Variants in FRMD4A observed in about 807,000 individuals in gnomAD.
FRMD4A encodes FERM domain-containing protein 4A.
In FRMD4A, 29 loss-of-function variants were observed where a neutral mutation model predicts 129.1. That is an observed-to-expected ratio of 0.22 (90% CI 0.17 to 0.31). FRMD4A has a LOEUF of 0.31. Among genes scored for constraint, FRMD4A ranks in the 10% least tolerant of loss-of-function variants. The pLI is 1.00. For missense variants in FRMD4A, 1,272 were observed against 1,375.8 expected, an observed-to-expected ratio of 0.92 and a Z score of 1.19; for synonymous variants, 634 against 571.6, an observed-to-expected ratio of 1.11 and a Z score of -1.56.
chr10:14,092,794 T>C (rs1376359685), intron 2 of FRMD4A, among the ~76,000 whole-genome samples: 1 of 152,104 alleles, frequency 6.6e-6, no homozygotes, highest in African/African-American at 2.4e-5. Context: ...CAGGCTGGGA[T>C]ATAAAGGTGG....
At position 13,660,529 on chromosome 10, in the gene FRMD4A, A is replaced by G. The variant is rs1181136775; in HGVS notation, c.1685T>C (p.Ile562Thr). Residue 562 changes from isoleucine to threonine, a missense_variant, in exon 20 of 25, where the codon ATA becomes ACA. By Grantham distance (89) the Ile-to-Thr change is moderately conservative. Coordinates refer to ENST00000357447, the MANE Select transcript of FRMD4A (RefSeq NM_018027.5). The stretch of plus-strand genomic sequence containing the variant: ...CTTGTGAGGAGAATGTAGGGGGGAT[A>G]TTGTGCTGGTAACCTGAGAGTCTTC... The part of the protein sequence containing the change: ...EDEDSQVTST[I>T]SPLHSPHKGL... 2 of 1,610,836 alleles carry G rather than the reference A, an allele frequency of 1.2e-6. No individual in the cohort carries two copies. Among genetic ancestry groups the G allele is most frequent in the Admixed American group, 1.7e-5 (1 of 59,886 alleles).
Position 13,945,117 on chromosome 10 carries a change from G to T in FRMD4A, c.46-86205C>A, listed in dbSNP as rs2095322401. 2.0e-5 allele frequency among the ~76,000 whole-genome samples: 3 copies of T among 152,252 alleles called. No homozygotes were observed. The South Asian group carries it at 6.2e-4, about 32-fold the overall frequency. On this transcript the variant is annotated intron_variant, in intron 2 of 24. Coordinates refer to ENST00000357447, the MANE Select transcript of FRMD4A (RefSeq NM_018027.5). Reference sequence around the variant, plus strand: ...CTGGTGGGAGGTTGGAAGGCACTAAGCCAGCCGGACTAGTGCCAAACTTAG... The same window carrying T: ...CTGGTGGGAGGTTGGAAGGCACTAATCCAGCCGGACTAGTGCCAAACTTAG...
intron 2 of FRMD4A, among the ~76,000 whole-genome samples, chr10:14,060,436 T>C (rs1027690304): frequency 6.6e-6 from 1 of 152,032 alleles, no homozygotes; most frequent in Admixed American, 6.5e-5. Flanking sequence ...CACAGAGAGG[T>C]GAGTAATGTA....
At position 13,807,404 on chromosome 10, in the gene FRMD4A, C is replaced by T. The variant is rs548791990; in HGVS notation, c.206+3410G>A. On this transcript the variant is annotated intron_variant, in intron 4 of 24. Transcript: ENST00000357447. ...TTCTTAGTTTTGATGAAAGTCACGT[C>T]GTTTGCAAGATGTTGACATTTGTTG... is the stretch of plus-strand genomic sequence containing the variant. Among the ~76,000 whole-genome samples the T allele has an allele frequency of 3.9e-5, 6 of 152,204 alleles. No individual in the cohort carries two copies. In the South Asian group the frequency reaches 1.2e-3, roughly 32 times the overall value.
intron 14 of FRMD4A, among the ~76,000 whole-genome samples, chr10:13,699,871 G>A (rs1251628040): frequency 6.6e-6 from 1 of 152,024 alleles, no homozygotes; most frequent in Non-Finnish European, 1.5e-5. Flanking sequence ...TCAAATTCCT[G>A]CGCTAGGACT....
chr10:13,715,248 C>T (rs756823213), intron 12 of FRMD4A, among the ~76,000 whole-genome samples: 4 of 152,074 alleles, frequency 2.6e-5, no homozygotes, highest in East Asian at 1.9e-4. Flanking sequence ...ATCTTAGCTT[C>T]GTCCTCTCTA....
intron 6 of FRMD4A, among the ~76,000 whole-genome samples, chr10:13,782,021 C>T (rs1427759843): frequency 6.6e-6 from 1 of 152,172 alleles, no homozygotes; most frequent in Non-Finnish European, 1.5e-5. Flanking sequence ...CAAATTCTCA[C>T]AAATCACAAC....
intron 2 of FRMD4A, among the ~76,000 whole-genome samples, chr10:14,022,236 G>A (rs11258808): frequency 0.016 from 2,437 of 152,232 alleles, 44 homozygotes; most frequent in East Asian, 0.093. Flanking sequence ...TCTAAGCTTC[G>A]CAGAGGGGAG....
At chr10:14,248,996 C>T (rs369086403) in intron 2 of FRMD4A, among the ~76,000 whole-genome samples, 8 of 152,186 alleles carry the variant, frequency 5.3e-5, no homozygotes, top group African/African-American at 2.4e-5. Flanking sequence ...CTTGCACCTA[C>T]GTTTTGACAT....
chr10:13,945,181 TA>T (rs1164465105), intron 2 of FRMD4A, among the ~76,000 whole-genome samples: 1 of 152,116 alleles, frequency 6.6e-6, no homozygotes, highest in Non-Finnish European at 1.5e-5. Flanking sequence ...AACAGGGGCA[TA>T]AAAAGGAAGG....
At chr10:13,686,313 T>G (rs2085077801) in intron 15 of FRMD4A, among the ~76,000 whole-genome samples, 2 of 152,358 alleles carry the variant, frequency 1.3e-5, no homozygotes, top group Admixed American at 1.3e-4. Context: ...GTCGTGTGAT[T>G]TATATCAGCG....
At chr10:14,231,578 C>T (rs1346525495) in intron 2 of FRMD4A, among the ~76,000 whole-genome samples, 1 of 152,130 alleles carries the variant, frequency 6.6e-6, no homozygotes, top group Non-Finnish European at 1.5e-5. Context: ...GATCTCCTGA[C>T]CTTTTGATCC....
At chr10:14,139,734 G>A (rs945882413) in intron 2 of FRMD4A, among the ~76,000 whole-genome samples, 1 of 152,206 alleles carries the variant, frequency 6.6e-6, no homozygotes, top group African/African-American at 2.4e-5. Flanking sequence ...ACAGACATGA[G>A]TGACAGAACC....
At chr10:14,057,198 C>G (rs1458135936) in intron 2 of FRMD4A, among the ~76,000 whole-genome samples, 6 of 152,190 alleles carry the variant, frequency 3.9e-5, no homozygotes, top group African/African-American at 1.2e-4. Flanking sequence ...TTCCTAGGCT[C>G]TTAATTATTT....
chr10:14,256,135 A>G (rs1844607074), intron 2 of FRMD4A, among the ~76,000 whole-genome samples: 1 of 152,166 alleles, frequency 6.6e-6, no homozygotes. Flanking sequence ...GTTCCTATCT[A>G]CCAGCAAAAA....
chr10:13,791,910 G>A (rs995292609), intron 5 of FRMD4A, among the ~76,000 whole-genome samples: 8 of 152,160 alleles, frequency 5.3e-5, no homozygotes, highest in South Asian at 2.1e-4. Context: ...AATACCTTCC[G>A]GCGGGTCTCC....
Position 13,744,280 on chromosome 10 carries a change from G to C in FRMD4A, c.548+3456C>G, listed in dbSNP as rs779884161. Among the ~76,000 whole-genome samples, 10 of 152,206 alleles carry C rather than the reference G, an allele frequency of 6.6e-5. No individual in the cohort carries two copies. In the South Asian group the frequency reaches 1.2e-3, roughly 19 times the overall value. On this transcript the variant is annotated intron_variant, in intron 9 of 24. Coordinates refer to ENST00000357447, the MANE Select transcript of FRMD4A (RefSeq NM_018027.5). ...GGCCCGCGAGGCAGAATCCAGGTCA[G>C]GGTCCTGATCCCTCCTTGTTCTGTG...
At chr10:14,263,610 G>GA (rs1279173757) in intron 2 of FRMD4A, among the ~76,000 whole-genome samples, 1 of 152,104 alleles carries the variant, frequency 6.6e-6, no homozygotes, top group Non-Finnish European at 1.5e-5. Flanking sequence ...GCCCCAGAAA[G>GA]ATGCTGCTGG....
At chr10:13,769,015 G>A (rs972090146) in intron 6 of FRMD4A, among the ~76,000 whole-genome samples, 2 of 141,568 alleles carry the variant, frequency 1.4e-5, no homozygotes, top group East Asian at 2.0e-4. Context: ...TTTGAGACGG[G>A]AGTCTTGCCT....
Sources: gnomAD v4.1 joint callset for allele counts (sites outside exome capture counted in the v4.1 genomes callset) on GRCh38, gnomAD v4.1.1 for gene constraint, MANE v1.5 for transcripts, NCBI Gene and HGNC (gene_info 2026-07-23, HGNC 2026-07-21) for gene names.